The following KIAA1217 variants were observed in gnomAD, a reference collection of about 807,000 sequenced individuals.
KIAA1217 encodes the protein KIAA1217.
Under a neutral mutation model 163.9 loss-of-function variants are expected in KIAA1217, and 88 were observed. The observed-to-expected ratio is 0.54, with a 90% CI of 0.45 to 0.64. KIAA1217 has a LOEUF of 0.64. Ranked by LOEUF, KIAA1217 falls within the 30% of genes least tolerant of loss-of-function variation. The probability of loss-of-function intolerance (pLI) is 0.00; values close to 1 mark genes in which losing one functional copy is unlikely to be tolerated. For missense variants in KIAA1217, 2,372 were observed against 2,475.0 expected, an observed-to-expected ratio of 0.96 and a Z score of 0.88; for synonymous variants, 903 against 923.1, an observed-to-expected ratio of 0.98 and a Z score of 0.39.
At chr10:24,243,765 GTATACAATATTCATATATATGAATATA>G (rs1218991729) in intron 2 of KIAA1217, among the ~76,000 whole-genome samples, 1 of 151,524 alleles carries the variant, frequency 6.6e-6, no homozygotes, top group East Asian at 1.9e-4. Flanking sequence ...ATCTATGAAT[GTATACAATATTCATATATATGAATATA>G]TAAGAATGAA....
chr10:24,394,797 G>A (rs963271644), intron 3 of KIAA1217, among the ~76,000 whole-genome samples: 5 of 152,112 alleles, frequency 3.3e-5, no homozygotes, highest in African/African-American at 1.2e-4. Context: ...GCCCATCAGA[G>A]AGCCCTCCAC....
intron 1 of KIAA1217, among the ~76,000 whole-genome samples, chr10:23,859,278 A>G (rs1245056191): frequency 1.3e-5 from 2 of 152,192 alleles, no homozygotes; most frequent in Non-Finnish European, 2.9e-5. Context: ...TCCAGCCTTA[A>G]TATTAAGTGC....
intron 3 of KIAA1217, among the ~76,000 whole-genome samples, chr10:24,382,778 G>T (rs540690381): frequency 2.7e-4 from 41 of 152,072 alleles, no homozygotes; most frequent in Admixed American, 2.2e-3. Flanking sequence ...AGATGACACA[G>T]GCTTCCACAC....
At chr10:23,853,489 T>C (rs1260867987) in intron 1 of KIAA1217, among the ~76,000 whole-genome samples, 1 of 152,204 alleles carries the variant, frequency 6.6e-6, no homozygotes, top group Admixed American at 6.5e-5. Context: ...TTTGGTTGTG[T>C]CTCTGCCTGG....
intron 1 of KIAA1217, among the ~76,000 whole-genome samples, chr10:23,943,283 C>A (rs916508833): frequency 3.3e-5 from 5 of 152,090 alleles, no homozygotes; most frequent in African/African-American, 1.2e-4. Context: ...ACTACTAGAA[C>A]AAATAAATTT....
At chr10:23,890,540 A>C (rs1211158002) in intron 1 of KIAA1217, among the ~76,000 whole-genome samples, 1 of 151,888 alleles carries the variant, frequency 6.6e-6, no homozygotes, top group Non-Finnish European at 1.5e-5. Context: ...AAATTTTGAA[A>C]CATTTGGGAT....
At chr10:24,193,939 G>A (rs2066854252) in intron 2 of KIAA1217, among the ~76,000 whole-genome samples, 1 of 76,980 alleles carries the variant, frequency 1.3e-5, no homozygotes, top group Admixed American at 1.1e-4. Context: ...TGTAACCCCA[G>A]CACTTTGGAA....
At chr10:24,041,590 A>G (rs542146740) in intron 2 of KIAA1217, among the ~76,000 whole-genome samples, 1 of 152,218 alleles carries the variant, frequency 6.6e-6, no homozygotes, top group Admixed American at 6.5e-5. Flanking sequence ...TGCCCATTTT[A>G]TCAGTTAGTC....
At chr10:23,906,407 A>G (rs1842166351) in intron 1 of KIAA1217, among the ~76,000 whole-genome samples, 1 of 152,156 alleles carries the variant, frequency 6.6e-6, no homozygotes. Context: ...GAATGTACTT[A>G]AAAAACAAAT....
chr10:24,372,230 C>T (rs1026241407), intron 2 of KIAA1217, among the ~76,000 whole-genome samples: 3 of 152,142 alleles, frequency 2.0e-5, no homozygotes, highest in African/African-American at 7.2e-5. Context: ...GACAGAAGCT[C>T]AGTCTCAACT....
At chr10:24,426,877 G>A (rs992362271) in intron 3 of KIAA1217, among the ~76,000 whole-genome samples, 2 of 152,130 alleles carry the variant, frequency 1.3e-5, no homozygotes, top group African/African-American at 4.8e-5. Flanking sequence ...GGGAAAATAA[G>A]GCAGGAAGAG....
At chr10:24,520,627 CAAAAAA>C (rs71472812) in intron 11 of KIAA1217, among the ~76,000 whole-genome samples, 36 of 44,932 alleles carry the variant, frequency 8.0e-4, no homozygotes, top group African/African-American at 3.9e-3. Context: ...ACATCTCTAC[CAAAAAA>C]AAAAAAAAAA....
chr10:24,163,123 A>G (rs190922931), intron 2 of KIAA1217, among the ~76,000 whole-genome samples: 3 of 152,328 alleles, frequency 2.0e-5, no homozygotes, highest in Non-Finnish European at 4.4e-5. Flanking sequence ...GAGGCTGCCT[A>G]CCACACTTCT....
Position 24,090,332 on chromosome 10 carries a change from C to CTTTTTT in KIAA1217, c.-171+82981_-171+82986dup, listed in dbSNP as rs35966270. 4.2e-4 allele frequency among the ~76,000 whole-genome samples: 25 copies of CTTTTTT among 58,936 alleles called. 6 individuals are homozygous for CTTTTTT. Among genetic ancestry groups the CTTTTTT allele is most frequent in the African/African-American group, 2.8e-3 (24 of 8,546 alleles). The allele number at this position is 58,936 out of a possible 152,430, so 38.7% of individuals were successfully genotyped here. A position where few individuals can be genotyped will look rare whatever the true frequency, so the allele number is the denominator to read the frequency against. ...CAGGCATGCACCCTCACATCCTGCT[C>CTTTTTT]TTTTTTTTTTTTTTTTTTTTTTTTT... On this transcript the variant is annotated intron_variant, in intron 2 of 18. Coordinates refer to the KIAA1217 transcript ENST00000376462.
chr10:23,721,403 T>C (rs1837867532), intron 1 of KIAA1217, among the ~76,000 whole-genome samples: 2 of 152,212 alleles, frequency 1.3e-5, no homozygotes, highest in African/African-American at 4.8e-5. Flanking sequence ...GCACAGTGTA[T>C]GGGTAAAATA....
chr10:23,905,345 C>T (rs1440965397), intron 1 of KIAA1217, among the ~76,000 whole-genome samples: 2 of 151,964 alleles, frequency 1.3e-5, no homozygotes, highest in African/African-American at 4.8e-5. Flanking sequence ...CCTTTGTGTA[C>T]CCGGTGGCAT....
chr10:24,120,576 G>C (rs1396372829), intron 2 of KIAA1217, among the ~76,000 whole-genome samples: 1 of 152,126 alleles, frequency 6.6e-6, no homozygotes, highest in African/African-American at 2.4e-5. Context: ...TTTACAAAAG[G>C]GAGCCATGAA....
intron 2 of KIAA1217, among the ~76,000 whole-genome samples, chr10:24,080,820 G>T (rs1302283079): frequency 1.3e-5 from 2 of 151,978 alleles, no homozygotes; most frequent in Admixed American, 1.3e-4. Flanking sequence ...TTTAGTAAGT[G>T]TTTTTTCAGA....
chr10:24,410,630 A>G (rs1349186381), intron 3 of KIAA1217, among the ~76,000 whole-genome samples: 2 of 152,202 alleles, frequency 1.3e-5, no homozygotes, highest in African/African-American at 4.8e-5. Flanking sequence ...CTAAGGCTCT[A>G]TCTCTTAAAT....
Sources: allele counts gnomAD v4.1 joint callset (sites outside exome capture counted in the v4.1 genomes callset), GRCh38; gene constraint gnomAD v4.1.1; transcripts MANE v1.5; gene names NCBI Gene and HGNC (gene_info 2026-07-23, HGNC 2026-07-21).